The following UPF2 variants were observed in gnomAD, a reference collection of about 807,000 sequenced individuals.
UPF2 encodes UPF2 regulator of nonsense mediated mRNA decay, also known as regulator of nonsense transcripts 2.
In UPF2, 17 loss-of-function variants were observed where a neutral mutation model predicts 141.4. The observed-to-expected ratio is 0.12, with a 90% CI of 0.08 to 0.18. The LOEUF (loss-of-function observed/expected upper bound fraction) is 0.18. Among genes scored for constraint, UPF2 ranks in the 10% least tolerant of loss-of-function variants. The pLI is 1.00. For synonymous variants in UPF2, 540 were observed against 498.0 expected (o/e 1.08, Z -1.12); for missense variants, 1,152 against 1,515.9 (o/e 0.76, Z 3.99).
At chr10:11,938,853 G>GTTTTTTTGTTTTTTTTTTTTTTTTTT (rs1832890068) in intron 18 of UPF2, among the ~76,000 whole-genome samples, 1 of 79,816 alleles carries the variant, frequency 1.3e-5, no homozygotes, top group African/African-American at 5.0e-5. Context: ...TTTTTTTTTT[G>GTTTTTTTGTTTTTTTTTTTTTTTTTT]TTTTTTTTTT....
chr10:12,031,992 T>G (rs1834532229), intron 2 of UPF2, among the ~76,000 whole-genome samples: 1 of 152,146 alleles, frequency 6.6e-6, no homozygotes, highest in African/African-American at 2.4e-5. Context: ...TGAAAGTACA[T>G]TTTAAGAAAG....
chr10:11,930,083 C>G lies in UPF2; in HGVS notation c.3689-98G>C, dbSNP rs894892854. 6.5e-6 allele frequency: 10 copies of G among 1,543,342 alleles called. No individual in the cohort carries two copies. The Admixed American group carries it at 1.1e-4, about 17-fold the overall frequency. On this transcript the variant is annotated intron_variant, in intron 20 of 21. Transcript: ENST00000357604. Reference sequence around the variant, plus strand: ...TGTTGGGGAGATTAAGTTTATTAGTCCTGTCAGGGAGCTGACTAAAGAAAA... The same window carrying G: ...TGTTGGGGAGATTAAGTTTATTAGTGCTGTCAGGGAGCTGACTAAAGAAAA...
intron 10 of UPF2, 59 bp from the exon 11 acceptor site, chr10:11,964,184 A>C: frequency 1.6e-6 from 2 of 1,278,420 alleles, no homozygotes; most frequent in Non-Finnish European, 2.2e-6. Flanking sequence ...AGTAGAGAAG[A>C]AATTATCATA....
At chr10:11,982,868 C>A (rs570332619) in intron 8 of UPF2, among the ~76,000 whole-genome samples, 86 of 152,286 alleles carry the variant, frequency 5.6e-4, no homozygotes, top group African/African-American at 2.0e-3. Context: ...GATCCACCCC[C>A]CTCAGCCTCC....
chr10:11,975,324 A>G (rs1481823653), intron 9 of UPF2, among the ~76,000 whole-genome samples: 1 of 152,238 alleles, frequency 6.6e-6, no homozygotes, highest in Non-Finnish European at 1.5e-5. Flanking sequence ...GAAACTTTAG[A>G]GAACACAGAA....
intron 1 of UPF2, among the ~76,000 whole-genome samples, chr10:12,037,238 C>T (rs1040294638): frequency 2.6e-5 from 4 of 152,002 alleles, no homozygotes; most frequent in African/African-American, 9.7e-5. Flanking sequence ...GTGCTCAACA[C>T]CACATCCAGG....
At chr10:12,021,032 T>C (rs940309068) in intron 3 of UPF2, among the ~76,000 whole-genome samples, 3 of 152,224 alleles carry the variant, frequency 2.0e-5, no homozygotes, top group African/African-American at 7.2e-5. Flanking sequence ...GGCTAACATG[T>C]ATACTATACA....
intron 8 of UPF2, among the ~76,000 whole-genome samples, chr10:11,994,837 G>A (rs1376624639): frequency 1.3e-5 from 2 of 151,744 alleles, no homozygotes; most frequent in Admixed American, 6.6e-5. Flanking sequence ...TTAGCCGGGC[G>A]TGGTGGCAGG....
intron 9 of UPF2, among the ~76,000 whole-genome samples, chr10:11,969,190 CAG>C (rs1167711331): frequency 6.6e-6 from 1 of 150,604 alleles, no homozygotes; most frequent in East Asian, 2.0e-4. Context: ...TTTTTTGAGA[CAG>C]AGTCTCATAC....
intron 3 of UPF2, among the ~76,000 whole-genome samples, chr10:12,017,056 A>G (rs1834235269): frequency 6.6e-6 from 1 of 152,258 alleles, no homozygotes; most frequent in Non-Finnish European, 1.5e-5. Context: ...TGTATTAAGA[A>G]AAATGTTAAC....
At chr10:12,039,050 C>A (rs1834687183) in intron 1 of UPF2, among the ~76,000 whole-genome samples, 1 of 152,054 alleles carries the variant, frequency 6.6e-6, no homozygotes, top group African/African-American at 2.4e-5. Context: ...AAACATCACG[C>A]CCTTAAAGCA....
At chr10:11,999,815 C>T (rs1445365857) in intron 7 of UPF2, 91 bp downstream of exon 7, 5 of 1,057,312 alleles carry the variant, frequency 4.7e-6, no homozygotes, top group Non-Finnish European at 2.9e-6. Context: ...GACTTTGTAG[C>T]TCAAACAGTC....
chr10:11,954,633 CAA>C (rs199644138), intron 14 of UPF2, among the ~76,000 whole-genome samples: 7 of 128,014 alleles, frequency 5.5e-5, no homozygotes, highest in Non-Finnish European at 6.4e-5. Context: ...GACTTACTCT[CAA>C]AAAAAAAAAT....
intron 3 of UPF2, among the ~76,000 whole-genome samples, chr10:12,021,121 G>A (rs1443932842): frequency 6.6e-6 from 1 of 152,168 alleles, no homozygotes; most frequent in African/African-American, 2.4e-5. Flanking sequence ...AAGAAGAAAA[G>A]AACCTGACTC....
At chr10:11,989,947 C>G (rs1286849459) in intron 8 of UPF2, among the ~76,000 whole-genome samples, 2 of 152,212 alleles carry the variant, frequency 1.3e-5, no homozygotes, top group East Asian at 3.8e-4. Context: ...CCTCCAACAT[C>G]CCTAACCTAT....
chr10:11,957,044 C>T (rs73571367), intron 12 of UPF2, among the ~76,000 whole-genome samples: 8 of 152,174 alleles, frequency 5.3e-5, no homozygotes, highest in Non-Finnish European at 1.0e-4. Context: ...TGGCCTCCAA[C>T]GCCGACGTCA....
Position 11,996,633 on chromosome 10 carries a change from C to T in UPF2, c.1844+1039G>A, listed in dbSNP as rs181609224. Among the ~76,000 whole-genome samples, 6 of 152,294 alleles carry T rather than the reference C, an allele frequency of 3.9e-5. No individual in the cohort carries two copies. In the East Asian group the frequency reaches 7.7e-4, roughly 20 times the overall value. On this transcript the variant is annotated intron_variant, in intron 8 of 21. Transcript: ENST00000357604. ...TGCTGGGATTACAGGCCTGAGCCAC[C>T]GCGCCTGGCCTGAAGTATGTAATTT...
chr10:11,990,727 G>A (rs1410204836), intron 8 of UPF2, among the ~76,000 whole-genome samples: 2 of 145,404 alleles, frequency 1.4e-5, no homozygotes, highest in African/African-American at 5.1e-5. Flanking sequence ...AGTGGCTCAC[G>A]CCTGTAATCT....
intron 14 of UPF2, among the ~76,000 whole-genome samples, chr10:11,952,948 T>G (rs1833096820): frequency 6.6e-6 from 1 of 152,222 alleles, no homozygotes; most frequent in South Asian, 2.1e-4. Context: ...TTATTTTCTC[T>G]GTGCTACTTG....
Sources: allele counts gnomAD v4.1 joint callset (sites outside exome capture counted in the v4.1 genomes callset), GRCh38; gene constraint gnomAD v4.1.1; transcripts MANE v1.5; gene names NCBI Gene and HGNC (gene_info 2026-07-23, HGNC 2026-07-21).